Variants in RALGDS observed in about 807,000 individuals in gnomAD.
RALGDS encodes ral guanine nucleotide dissociation stimulator.
RALGDS carries 44 observed loss-of-function variants against 99.8 expected under a neutral mutation model. The observed-to-expected ratio is 0.44, with a 90% CI of 0.35 to 0.57. The LOEUF is 0.57. RALGDS is among the 20% of genes least tolerant of loss of function. The probability of loss-of-function intolerance (pLI) is 0.01; values close to 1 mark genes in which losing one functional copy is unlikely to be tolerated. For missense variants in RALGDS, 1,022 were observed against 1,203.1 expected (o/e 0.85, Z 2.23); for synonymous variants, 529 against 505.0 (o/e 1.05, Z -0.64).
rs922253711 is a variant in RALGDS, at chr9:133,102,205, C to A, written c.2010-66G>T. 5 of 1,491,112 alleles carry A rather than the reference C, an allele frequency of 3.4e-6. No homozygotes were observed. The Admixed American group carries it at 8.0e-5, about 24-fold the overall frequency. 92.4% of individuals were successfully genotyped at this position (1,491,112 alleles called of 1,614,324 possible). A position where few individuals can be genotyped will look rare whatever the true frequency, so the allele number is the denominator to read the frequency against. ...ACACATCCCAACCCCACAGCCCCTG[C>A]ACCCTGCGCCCAAGGACTGTGCAAA... is the stretch of plus-strand genomic sequence containing the variant. On this transcript the variant is annotated intron_variant, in intron 14 of 17. Coordinates refer to ENST00000372050, the MANE Select transcript of RALGDS (RefSeq NM_006266.4).
At chr9:133,146,173 ATGTTTGTT>A (rs926132248) in intron 1 of RALGDS, among the ~76,000 whole-genome samples, 2 of 144,220 alleles carry the variant, frequency 1.4e-5, no homozygotes, top group Non-Finnish European at 3.2e-5. Flanking sequence ...GGCTCCCATG[ATGTTTGTT>A]TGTTTGTTTG....
upstream of RALGDS, among the ~76,000 whole-genome samples, chr9:133,124,481 C>T (rs1022102908): frequency 6.6e-6 from 1 of 151,704 alleles, no homozygotes; most frequent in African/African-American, 2.4e-5. Context: ...AAATTGGAGA[C>T]CAGCCTGGGC....
In RALGDS at chr9:133,108,249, A is replaced by C; in HGVS notation, c.936T>G (p.Ala312=). 3.7e-6 allele frequency: 6 copies of C among 1,602,510 alleles called. No homozygotes were observed. Among genetic ancestry groups the C allele is most frequent in the Non-Finnish European group, 5.1e-6 (6 of 1,174,484 alleles). Residue 312 remains alanine, a synonymous_variant, in exon 6 of 18, where the codon GCT becomes GCG. Transcript: ENST00000372050. ...GSELEVAPAP[A]PELQQAPEPA... Reference sequence around the variant, plus strand: ...GCTCTGGAGCCTGCTGGAGCTCCGGAGCTGGTGCTGGAGCTACTTCTAGCT... The same window carrying C: ...GCTCTGGAGCCTGCTGGAGCTCCGGCGCTGGTGCTGGAGCTACTTCTAGCT...
In RALGDS at chr9:133,100,755, A is replaced by G. The variant is rs1186953317; in HGVS notation, c.2455-373T>C. Reference sequence around the variant, plus strand: ...CCCTAGTCCAAGCCCTGGAGGTAAGAAAGGAGGGGCCGGCCAGGATGCTCA... The same window carrying G: ...CCCTAGTCCAAGCCCTGGAGGTAAGGAAGGAGGGGCCGGCCAGGATGCTCA... On this transcript the variant is annotated intron_variant, in intron 16 of 17. Coordinates refer to ENST00000372050, the MANE Select transcript of RALGDS (RefSeq NM_006266.4). 6.9e-6 allele frequency: 8 copies of G among 1,161,718 alleles called. No homozygotes were observed. The East Asian group carries it at 4.7e-4, about 68-fold the overall frequency. 72.0% of individuals were successfully genotyped at this position (1,161,718 alleles called of 1,614,324 possible).
rs941531607 is a variant in RALGDS at position 133,148,821 on chromosome 9, C to CGGGCGGGGTT, written c.18+132_18+141dup. 6.0e-6 allele frequency: 6 copies of CGGGCGGGGTT among 1,002,508 alleles called. No homozygotes were observed. The African/African-American group carries it at 1.0e-4, about 17-fold the overall frequency. 62.1% of individuals were successfully genotyped at this position (1,002,508 alleles called of 1,614,324 possible). On this transcript the variant is annotated intron_variant, in intron 1 of 17. Transcript: ENST00000393160. ...CCTGTCCTCAGTTTCCCTACTGTCC[C>CGGGCGGGGTT]GGGCGGGGTTGGACGCGGAGCTGCG...
chr9:133,110,269 CCTGTG>C (rs774808232), intron 3 of RALGDS, 22 bp downstream of exon 3: 1 of 1,605,240 alleles, frequency 6.2e-7, no homozygotes, highest in Non-Finnish European at 8.5e-7. Flanking sequence ...CCCTGTGCAC[CCTGTG>C]CAGTGGAGGG....
Position 133,098,530 on chromosome 9 carries a change from G to T in RALGDS, c.*57C>A. On this transcript the variant is annotated 3_prime_UTR_variant, in exon 18 of 18. Transcript: ENST00000372050. ...GGAGGAAGGCGCCCAGCTGGCCTGG[G>T]CCACTCTGGTCCATAAGTGCTTGGC... 1 of 1,589,894 alleles carries T rather than the reference G, an allele frequency of 6.3e-7. No individual in the cohort carries two copies. Among genetic ancestry groups the T allele is most frequent in the Admixed American group, 1.7e-5 (1 of 59,592 alleles).
At chr9:133,099,016 G>T (rs1007242559) in intron 17 of RALGDS, 18 of 498,008 alleles carry the variant, frequency 3.6e-5, no homozygotes, top group African/African-American at 3.5e-4. Context: ...GGCCTGAGCT[G>T]GCAGAGGGTC....
At chr9:133,141,972 G>A (rs1046411010) in intron 1 of RALGDS, among the ~76,000 whole-genome samples, 6 of 152,300 alleles carry the variant, frequency 3.9e-5, no homozygotes, top group South Asian at 2.1e-4. Context: ...CAAAGCACAC[G>A]GTACCACACG....
Position 133,101,679 on chromosome 9 carries a change from G to A in RALGDS, c.2295C>T (p.Ser765=), listed in dbSNP as rs371082967. Residue 765 remains serine, a synonymous_variant, in exon 16 of 18, where the codon TCC becomes TCT. Transcript: ENST00000372050. The stretch of plus-strand genomic sequence containing the variant: ...TGCGTGTGGCAGCCACGGGCGTGGT[G>A]GAGGCTGAGGAGGACGAGGTGCTGC... ...ASSSTSSSSA[S]TTPVAATRTH... The A allele has an allele frequency of 6.6e-5, 106 of 1,613,952 alleles. No individual in the cohort carries two copies. The Middle Eastern group carries it at 6.6e-4, about 10-fold the overall frequency.
intron 3 of RALGDS, 66 bp from the exon 4 acceptor site, chr9:133,109,787 A>AC: frequency 8.9e-7 from 1 of 1,129,092 alleles, no homozygotes; most frequent in South Asian, 1.4e-5. Flanking sequence ...GAGGGCAGGG[A>AC]TTTTTTTTTT....
chr9:133,115,846 C>T (rs1292956130), intron 1 of RALGDS, among the ~76,000 whole-genome samples: 1 of 152,234 alleles, frequency 6.6e-6, no homozygotes, highest in African/African-American at 2.4e-5. Flanking sequence ...ACCCTGAAAC[C>T]CAGTGGGTGG....
rs143850838 is a variant in RALGDS, at chr9:133,102,838, C to T, written c.1854G>A (p.Ala618=). The change falls in exon 13 of 18, where the codon GCG becomes GCA. Residue 618 remains alanine, a synonymous_variant. Coordinates refer to ENST00000372050, the MANE Select transcript of RALGDS (RefSeq NM_006266.4). ...LQSACNNYSI[A]PDEQFGAWFR... is the part of the protein sequence containing the mutation. ...ACCAGGCCCCAAATTGCTCATCTGG[C>T]GCGATGCTGTAGTTGTTGCAGGCCG... 1.8e-3 allele frequency: 2,918 copies of T among 1,613,612 alleles called. 5 individuals are homozygous for T. Among genetic ancestry groups the T allele is most frequent in the Non-Finnish European group, 2.2e-3 (2,604 of 1,179,976 alleles).
chr9:133,136,376 G>T (rs1025379068), intron 1 of RALGDS, among the ~76,000 whole-genome samples: 2 of 152,192 alleles, frequency 1.3e-5, no homozygotes, highest in African/African-American at 4.8e-5. Context: ...GGTGGCTCAC[G>T]CCTGTAATCC....
At chr9:133,145,813 C>G (rs1832613876) in intron 1 of RALGDS, among the ~76,000 whole-genome samples, 2 of 152,174 alleles carry the variant, frequency 1.3e-5, no homozygotes, top group South Asian at 4.1e-4. Context: ...GGGGACATCA[C>G]CACGCTAATG....
chr9:133,137,399 G>A (rs1376031978), intron 1 of RALGDS, among the ~76,000 whole-genome samples: 1 of 152,238 alleles, frequency 6.6e-6, no homozygotes, highest in Non-Finnish European at 1.5e-5. Context: ...GAACAAGTGA[G>A]CTCGATGGGC....
chr9:133,113,797 G>A (rs559718810), intron 1 of RALGDS, among the ~76,000 whole-genome samples: 71 of 152,312 alleles, frequency 4.7e-4, no homozygotes, highest in Middle Eastern at 3.4e-3. Flanking sequence ...CTCTCTCCCA[G>A]GGATTTTAGC....
chr9:133,102,993 C>A (rs909163995), intron 12 of RALGDS, 93 bp from the exon 13 acceptor site: 3 of 1,543,992 alleles, frequency 1.9e-6, no homozygotes, highest in Non-Finnish European at 1.8e-6. Flanking sequence ...TCCCTTCCTC[C>A]CCTCTACTCC....
chr9:133,109,991 G>C (rs1264399687), intron 3 of RALGDS, among the ~76,000 whole-genome samples: 1 of 152,180 alleles, frequency 6.6e-6, no homozygotes, highest in East Asian at 1.9e-4. Context: ...CTTCGCCCAA[G>C]GCCACATACA....
Sources: gnomAD v4.1 joint callset for allele counts (sites outside exome capture counted in the v4.1 genomes callset) on GRCh38, gnomAD v4.1.1 for gene constraint, MANE v1.5 for transcripts, NCBI Gene and HGNC (gene_info 2026-07-23, HGNC 2026-07-21) for gene names.